The following E2F7 variants were observed in gnomAD, a reference collection of about 807,000 sequenced individuals.
E2F7 encodes the protein E2F transcription factor 7, also known as transcription factor E2F7.
A neutral mutation model predicts 81.1 loss-of-function variants in E2F7; 35 were observed. The ratio of observed to expected loss-of-function variants is 0.43; its 90% CI spans 0.33 to 0.57. E2F7 has a LOEUF of 0.57. E2F7 is among the 20% of genes least tolerant of loss of function. The pLI is 0.04. For synonymous variants in E2F7, 416 were observed against 416.2 expected (o/e 1.00, Z 0.01); for missense variants, 961 against 1,093.7 (o/e 0.88, Z 1.71).
At chr12:77,045,866 TG>T in intron 5 of E2F7, 171 bp downstream of exon 5, 1 of 801,286 alleles carries the variant, frequency 1.2e-6, no homozygotes, top group Non-Finnish European at 1.9e-6. Flanking sequence ...TGAGGTCAAG[TG>T]GGCAGTCCAG....
rs1954938855 is a variant in E2F7, at chr12:77,046,142, T to C, written c.725A>G (p.Glu242Gly). 6.2e-7 allele frequency: 1 copy of C among 1,614,106 alleles called. No homozygotes were observed. Among genetic ancestry groups the C allele is most frequent in the Admixed American group, 1.7e-5 (1 of 60,006 alleles). The change falls in exon 5 of 13, where the codon GAG (glutamate) becomes GGG (glycine). Residue 242 changes from glutamate (E) to glycine (G), a missense_variant. Glu to Gly is a moderately conservative substitution (Grantham distance 98, BLOSUM62 -2). This residue lies in a region of E2F7 where 301 missense variants were observed against 405.0 expected (regional missense o/e 0.74). Coordinates refer to ENST00000322886, the MANE Select transcript of E2F7 (RefSeq NM_203394.3). Reference protein sequence around the residue: ...EEQMAYLQQKELDLIDYKFGE... With the variant: ...EEQMAYLQQKGLDLIDYKFGE... Reference sequence around the variant, plus strand: ...AAATTTATAATCTATCAGGTCCAGCTCTTTCTGTTGGAGGTAGGCCATTTG... The same window carrying C: ...AAATTTATAATCTATCAGGTCCAGCCCTTTCTGTTGGAGGTAGGCCATTTG...
intron 6 of E2F7, 57 bp downstream of exon 6, chr12:77,044,580 A>G: frequency 6.4e-7 from 1 of 1,567,274 alleles, no homozygotes. Context: ...GAAAATATCA[A>G]CACATGAAAT....
chr12:77,064,552 A>G lies in E2F7; in HGVS notation c.84T>C (p.Asn28=), dbSNP rs753597036. ...RLDFAVEDGE[N]AQKENIFVDR... ...GTTTATGTTTGCTTACCTTTTGTGC[A>G]TTTTCCCCATCTTCAACTGCAAAAT... Residue 28 remains asparagine (N), a synonymous_variant, in exon 2 of 13, where the codon AAT becomes AAC. Transcript: ENST00000322886. The G allele has an allele frequency of 6.2e-7, 1 of 1,614,014 alleles. No homozygotes were observed.
chr12:77,053,467 A>C (rs540257230), intron 3 of E2F7, among the ~76,000 whole-genome samples: 142 of 152,266 alleles, frequency 9.3e-4, no homozygotes, highest in African/African-American at 3.2e-3. Flanking sequence ...AGAGAATGGG[A>C]GTTCAAATGG....
At position 77,034,011 on chromosome 12, in the gene E2F7, G is replaced by C. The variant is rs759543253; in HGVS notation, c.1155C>G (p.Val385=). The C allele has an allele frequency of 8.0e-5, 129 of 1,613,464 alleles. No homozygotes were observed. Among genetic ancestry groups the C allele is most frequent in the Non-Finnish European group, 1.1e-4 (126 of 1,179,848 alleles). Residue 385 remains valine (V), a synonymous_variant, in exon 8 of 13, where the codon GTC becomes GTG. Coordinates refer to ENST00000322886, the MANE Select transcript of E2F7 (RefSeq NM_203394.3). ...DEELVDVSAS[V]LPELKRETYG... Reference sequence around the variant, plus strand: ...ATGTTTCTCTTTTCAATTCTGGTAAGACAGATGCAGAAACATCCACCAGTT... The same window carrying C: ...ATGTTTCTCTTTTCAATTCTGGTAACACAGATGCAGAAACATCCACCAGTT...
At chr12:77,056,244 T>G (rs1309174553) in intron 2 of E2F7, 114 bp from the exon 3 acceptor site, 1 of 1,128,342 alleles carries the variant, frequency 8.9e-7, no homozygotes, top group East Asian at 2.5e-5. Flanking sequence ...ACCATATGTT[T>G]AGGGCTGAAA....
rs1954739216 is a variant in E2F7, at chr12:77,024,192, AAAG to A, written c.2566-10_2566-8del. ...GGGTCACTGGAACTGGTGACTGAAA[AAAG>A]AAAAAAGAAAAAACAGAAGTGAAGT... is the stretch of plus-strand genomic sequence containing the variant. On this transcript the variant is annotated splice_region_variant and splice_polypyrimidine_tract_variant and intron_variant, in intron 12 of 12. Transcript: ENST00000322886. 15 of 1,608,802 alleles carry A rather than the reference AAAG, an allele frequency of 9.3e-6. No homozygotes were observed. The highest frequency in any genetic ancestry group is 1.3e-5 in the Non-Finnish European group (15 of 1,178,168).
At chr12:77,054,476 T>C (rs1955015778) in intron 3 of E2F7, among the ~76,000 whole-genome samples, 1 of 152,148 alleles carries the variant, frequency 6.6e-6, no homozygotes, top group Non-Finnish European at 1.5e-5. Context: ...AACACCTGTA[T>C]ACCAAAAATT....
chr12:77,030,838 A>G (rs1163879278), intron 9 of E2F7, among the ~76,000 whole-genome samples: 3 of 152,184 alleles, frequency 2.0e-5, no homozygotes, highest in Non-Finnish European at 4.4e-5. Flanking sequence ...TTTGATGGCA[A>G]AACCCATGTT....
intron 3 of E2F7, among the ~76,000 whole-genome samples, chr12:77,055,126 C>A (rs1357401434): frequency 6.6e-6 from 1 of 152,140 alleles, no homozygotes; most frequent in Non-Finnish European, 1.5e-5. Flanking sequence ...TTACTACTAC[C>A]GCTACTCTAC....
intron 3 of E2F7, among the ~76,000 whole-genome samples, chr12:77,053,496 T>C (rs918019928): frequency 2.0e-5 from 3 of 152,130 alleles, no homozygotes; most frequent in Non-Finnish European, 4.4e-5. Context: ...TTTGTATAAT[T>C]ATGAAAAACA....
At chr12:77,029,467 A>G (rs1954786093) in intron 10 of E2F7, among the ~76,000 whole-genome samples, 1 of 152,238 alleles carries the variant, frequency 6.6e-6, no homozygotes, top group Non-Finnish European at 1.5e-5. Context: ...ACTCAGCTGC[A>G]TCCTGGATTA....
At chr12:77,044,114 C>G in intron 6 of E2F7, 1 of 217,244 alleles carries the variant, frequency 4.6e-6, no homozygotes, top group Admixed American at 4.5e-5. Context: ...TTACAGGCTA[C>G]CAGCAGCCCA....
chr12:77,022,039 TAA>T lies in E2F7; in HGVS notation c.*1974_*1975del, dbSNP rs1954716106. 6.6e-6 allele frequency: 1 copy of T among 151,990 alleles called. No individual in the cohort carries two copies. Among genetic ancestry groups the T allele is most frequent in the Non-Finnish European group, 1.5e-5 (1 of 67,980 alleles). 9.4% of individuals were successfully genotyped at this position (151,990 alleles called of 1,614,324 possible). A position where few individuals can be genotyped will look rare whatever the true frequency, so the allele number is the denominator to read the frequency against. On this transcript the variant is annotated 3_prime_UTR_variant, in exon 13 of 13. Transcript: ENST00000322886. ...AATGGTCATATCATGATCAGAATAA[TAA>T]AAAAAGATAGCAAAAATGTTAAAAC...
chr12:77,057,109 G>A (rs1229941848), intron 2 of E2F7, among the ~76,000 whole-genome samples: 1 of 152,040 alleles, frequency 6.6e-6, no homozygotes, highest in Non-Finnish European at 1.5e-5. Context: ...CTGGAGGGCA[G>A]TGGCATGATC....
intron 7 of E2F7, among the ~76,000 whole-genome samples, chr12:77,039,742 G>A (rs900608697): frequency 6.6e-6 from 1 of 152,188 alleles, no homozygotes; most frequent in Non-Finnish European, 1.5e-5. Context: ...TTGGAAAACA[G>A]TTTGGAAGTT....
At chr12:77,030,613 T>C (rs1954798891) in intron 9 of E2F7, among the ~76,000 whole-genome samples, 1 of 152,190 alleles carries the variant, frequency 6.6e-6, no homozygotes, top group Non-Finnish European at 1.5e-5. Flanking sequence ...CCACATCTGA[T>C]AGTTATCAAT....
intron 4 of E2F7, among the ~76,000 whole-genome samples, chr12:77,049,359 T>C (rs1954967877): frequency 6.6e-6 from 1 of 152,150 alleles, no homozygotes; most frequent in African/African-American, 2.4e-5. Context: ...CCTCTTCCTA[T>C]AGAGATGGAC....
chr12:77,024,564 T>A (rs992368815), intron 12 of E2F7, among the ~76,000 whole-genome samples: 2 of 152,246 alleles, frequency 1.3e-5, no homozygotes, highest in Non-Finnish European at 2.9e-5. Context: ...TGTAAAGCAC[T>A]TTAGAGCATG....
Sources: gnomAD v4.1 joint callset for allele counts (sites outside exome capture counted in the v4.1 genomes callset) on GRCh38, gnomAD v4.1.1 for gene constraint, gnomAD v4.1.1 regional missense constraint, MANE v1.5 for transcripts, NCBI Gene and HGNC (gene_info 2026-07-23, HGNC 2026-07-21) for gene names.